CDH13: variants seen among roughly 807,000 people sequenced by gnomAD.
CDH13 encodes the protein cadherin-13.
Under a neutral mutation model 63.8 loss-of-function variants are expected in CDH13, and 24 were observed. The ratio of observed to expected loss-of-function variants is 0.38; its 90% CI spans 0.27 to 0.53. The LOEUF (loss-of-function observed/expected upper bound fraction) is 0.53. CDH13 is among the 20% of genes least tolerant of loss of function. CDH13 has a pLI of 0.85. For synonymous variants in CDH13, 503 were observed against 355.3 expected (o/e 1.42, Z -4.67); for missense variants, 1,049 against 903.1 (o/e 1.16, Z -2.07).
chr16:82,634,503 A>G (rs1029591974), intron 1 of CDH13, among the ~76,000 whole-genome samples: 3 of 152,190 alleles, frequency 2.0e-5, no homozygotes, highest in Admixed American at 6.5e-5. Context: ...ATCTGGGATC[A>G]TCTCACTCAG....
chr16:82,700,353 C>T (rs200906947), intron 1 of CDH13, among the ~76,000 whole-genome samples: 1 of 152,138 alleles, frequency 6.6e-6, no homozygotes, highest in Non-Finnish European at 1.5e-5. Context: ...CAGTACCATG[C>T]GTAAAACGTG....
At chr16:83,486,242 C>T (rs1230380742) in intron 6 of CDH13, among the ~76,000 whole-genome samples, 8 of 152,200 alleles carry the variant, frequency 5.3e-5, no homozygotes, top group Non-Finnish European at 1.5e-5. Context: ...AGCAGTCACT[C>T]TGCTGAACAG....
intron 5 of CDH13, among the ~76,000 whole-genome samples, chr16:83,307,290 A>G (rs935826143): frequency 6.6e-6 from 1 of 152,178 alleles, no homozygotes; most frequent in Non-Finnish European, 1.5e-5. Flanking sequence ...AGCATGATGT[A>G]TCTTATCCCC....
At chr16:83,154,751 C>T (rs751927175) in intron 4 of CDH13, among the ~76,000 whole-genome samples, 9 of 152,128 alleles carry the variant, frequency 5.9e-5, no homozygotes, top group Non-Finnish European at 1.0e-4. Flanking sequence ...TAACATTATA[C>T]TGTGTACCAT....
intron 4 of CDH13, among the ~76,000 whole-genome samples, chr16:83,164,726 AAG>A (rs996464662): frequency 1.3e-5 from 2 of 151,882 alleles, no homozygotes; most frequent in Non-Finnish European, 2.9e-5. Flanking sequence ...GTCTCAAAAA[AAG>A]AAAAAAAAAA....
chr16:82,991,706 A>G (rs930239678), intron 2 of CDH13, among the ~76,000 whole-genome samples: 5 of 152,232 alleles, frequency 3.3e-5, no homozygotes, highest in Admixed American at 1.3e-4. Context: ...TGCGTGTGGC[A>G]CAGTGAAACT....
intron 3 of CDH13, among the ~76,000 whole-genome samples, chr16:83,051,156 C>A (rs2030287915): frequency 6.6e-6 from 1 of 152,224 alleles, no homozygotes; most frequent in African/African-American, 2.4e-5. Context: ...TCTTCAAAGG[C>A]TGTCAGTCTT....
intron 10 of CDH13, among the ~76,000 whole-genome samples, chr16:83,714,788 C>G (rs1227878401): frequency 6.6e-6 from 1 of 152,098 alleles, no homozygotes; most frequent in Non-Finnish European, 1.5e-5. Flanking sequence ...GAAATGCCTT[C>G]TTAATCTGCT....
At chr16:83,175,955 A>G (rs574172711) in intron 4 of CDH13, among the ~76,000 whole-genome samples, 71 of 150,676 alleles carry the variant, frequency 4.7e-4, no homozygotes, top group African/African-American at 1.7e-3. Flanking sequence ...CAGCCTCCCA[A>G]GTAGCTGGGA....
intron 1 of CDH13, among the ~76,000 whole-genome samples, chr16:82,638,222 A>G (rs548810873): frequency 1.5e-3 from 229 of 152,268 alleles, no homozygotes; most frequent in Non-Finnish European, 3.0e-3. Context: ...GGCCTTCACT[A>G]GGAAATGTGC....
chr16:83,146,561 T>G (rs189453550), intron 4 of CDH13, among the ~76,000 whole-genome samples: 4 of 152,236 alleles, frequency 2.6e-5, no homozygotes, highest in African/African-American at 7.2e-5. Context: ...TTTTTGTTTG[T>G]TCTATTTCAA....
intron 1 of CDH13, chr16:82,826,413 A>G (rs1438572645): frequency 2.0e-5 from 3 of 152,208 alleles, no homozygotes; most frequent in Non-Finnish European, 4.4e-5. Context: ...TCCTACATAC[A>G]ATATCGAATT....
chr16:83,433,924 A>C (rs1002763247), intron 6 of CDH13, among the ~76,000 whole-genome samples: 1 of 152,060 alleles, frequency 6.6e-6, no homozygotes, highest in Non-Finnish European at 1.5e-5. Flanking sequence ...GGCTCGTTGG[A>C]AAGTATTTCC....
intron 6 of CDH13, among the ~76,000 whole-genome samples, chr16:83,411,404 T>C (rs2092123831): frequency 6.6e-6 from 1 of 152,330 alleles, no homozygotes; most frequent in Admixed American, 6.5e-5. Flanking sequence ...TGGTTTATTG[T>C]TGGCTTCTTC....
chr16:83,682,267 G>A (rs1188338115), intron 10 of CDH13, among the ~76,000 whole-genome samples: 2 of 152,130 alleles, frequency 1.3e-5, no homozygotes, highest in African/African-American at 4.8e-5. Context: ...CACCAGGGAG[G>A]CTCCCTTCTG....
At chr16:82,794,800 T>A (rs1380005464) in intron 1 of CDH13, among the ~76,000 whole-genome samples, 1 of 152,190 alleles carries the variant, frequency 6.6e-6, no homozygotes, top group Non-Finnish European at 1.5e-5. Flanking sequence ...TTAAACCAGT[T>A]TTTCCTACTT....
At chr16:83,270,742 T>G (rs2088778509) in intron 5 of CDH13, among the ~76,000 whole-genome samples, 1 of 152,160 alleles carries the variant, frequency 6.6e-6, no homozygotes, top group Non-Finnish European at 1.5e-5. Context: ...CAGACGTGTT[T>G]TCTCATGATA....
At chr16:83,773,514 T>C (rs1914896260) in intron 11 of CDH13, among the ~76,000 whole-genome samples, 1 of 152,050 alleles carries the variant, frequency 6.6e-6, no homozygotes, top group Admixed American at 6.6e-5. Flanking sequence ...CCATCCGATC[T>C]CATGAGAACT....
intron 2 of CDH13, among the ~76,000 whole-genome samples, chr16:82,871,462 C>T (rs2040338760): frequency 6.6e-6 from 1 of 152,054 alleles, no homozygotes; most frequent in African/African-American, 2.4e-5. Context: ...GAAAGGAGAG[C>T]CCCAGGGAGA....
Sources: allele counts gnomAD v4.1 joint callset (sites outside exome capture counted in the v4.1 genomes callset), GRCh38; gene constraint gnomAD v4.1.1; transcripts MANE v1.5; gene names NCBI Gene and HGNC (gene_info 2026-07-23, HGNC 2026-07-21).